The following AUTS2 variants were observed in gnomAD, a reference collection of about 807,000 sequenced individuals.
The protein encoded by AUTS2 is autism susceptibility gene 2 protein.
In AUTS2, 17 loss-of-function variants were observed where a neutral mutation model predicts 112.4. The observed-to-expected ratio is 0.15, with a 90% CI of 0.10 to 0.23. The LOEUF (loss-of-function observed/expected upper bound fraction) is 0.23. AUTS2 is among the 10% of genes least tolerant of loss of function. The probability of loss-of-function intolerance (pLI) is 1.00; values close to 1 mark genes in which losing one functional copy is unlikely to be tolerated. For synonymous variants in AUTS2, 751 were observed against 702.7 expected, an observed-to-expected ratio of 1.07 and a Z score of -1.09; for missense variants, 1,510 against 1,701.6, an observed-to-expected ratio of 0.89 and a Z score of 1.98.
intron 4 of AUTS2, among the ~76,000 whole-genome samples, chr7:70,316,316 G>C (rs1789992544): frequency 1.3e-5 from 2 of 151,736 alleles, no homozygotes; most frequent in Non-Finnish European, 2.9e-5. Context: ...GCTGTCTTCT[G>C]CTCCCACCCA....
chr7:70,608,870 C>G (rs1004261116), intron 5 of AUTS2, among the ~76,000 whole-genome samples: 3 of 152,192 alleles, frequency 2.0e-5, no homozygotes, highest in Non-Finnish European at 4.4e-5. Context: ...CATGTCTTAG[C>G]CACCATTGCA....
intron 5 of AUTS2, among the ~76,000 whole-genome samples, chr7:70,627,227 G>A (rs190200503): frequency 3.3e-5 from 5 of 152,114 alleles, no homozygotes; most frequent in African/African-American, 4.8e-5. Context: ...AGATGATAGC[G>A]TATTGTGATT....
chr7:69,978,329 A>C (rs188007580), intron 2 of AUTS2, among the ~76,000 whole-genome samples: 5 of 152,202 alleles, frequency 3.3e-5, no homozygotes, highest in Non-Finnish European at 5.9e-5. Context: ...TTTCCAGGCA[A>C]TTTTGACAAT....
chr7:70,630,193 A>G (rs1394639220), intron 5 of AUTS2, among the ~76,000 whole-genome samples: 2 of 152,182 alleles, frequency 1.3e-5, no homozygotes, highest in Admixed American at 6.5e-5. Flanking sequence ...GGGTTCACCT[A>G]GGCAGCGTTA....
intron 4 of AUTS2, among the ~76,000 whole-genome samples, chr7:70,218,892 C>T (rs554026179): frequency 6.6e-6 from 1 of 152,166 alleles, no homozygotes; most frequent in South Asian, 2.1e-4. Flanking sequence ...TCATCACTAT[C>T]ATATGAAATC....
intron 1 of AUTS2, among the ~76,000 whole-genome samples, chr7:69,792,231 T>TG (rs1491332521): frequency 2.3e-5 from 3 of 130,862 alleles, no homozygotes; most frequent in Non-Finnish European, 3.4e-5. Context: ...GTTAAGTTGT[T>TG]GTTTTTTTTT....
At chr7:70,193,319 G>A (rs944988312) in intron 4 of AUTS2, among the ~76,000 whole-genome samples, 1 of 152,166 alleles carries the variant, frequency 6.6e-6, no homozygotes, top group South Asian at 2.1e-4. Context: ...ACACTAATGG[G>A]AAATTATTAT....
intron 1 of AUTS2, among the ~76,000 whole-genome samples, chr7:69,653,088 G>A (rs1795364644): frequency 6.6e-6 from 1 of 152,200 alleles, no homozygotes; most frequent in Non-Finnish European, 1.5e-5. Flanking sequence ...TTCCTGCATT[G>A]AAGGGACTGA....
intron 4 of AUTS2, among the ~76,000 whole-genome samples, chr7:70,355,462 C>T (rs975295734): frequency 6.6e-6 from 1 of 152,116 alleles, no homozygotes; most frequent in African/African-American, 2.4e-5. Flanking sequence ...CCTCAAATGT[C>T]TTCCAGAGAG....
chr7:70,661,943 C>T (rs1807099100), intron 5 of AUTS2, among the ~76,000 whole-genome samples: 1 of 152,210 alleles, frequency 6.6e-6, no homozygotes, highest in Non-Finnish European at 1.5e-5. Context: ...AGTCCCATCT[C>T]TGCCCAGTAA....
intron 1 of AUTS2, among the ~76,000 whole-genome samples, chr7:69,789,216 A>G (rs1789510067): frequency 6.6e-6 from 1 of 152,202 alleles, no homozygotes; most frequent in African/African-American, 2.4e-5. Context: ...ATTTCCATTC[A>G]GCAATGGCTC....
At chr7:70,538,098 G>T (rs1800394955) in intron 5 of AUTS2, among the ~76,000 whole-genome samples, 1 of 152,114 alleles carries the variant, frequency 6.6e-6, no homozygotes, top group African/African-American at 2.4e-5. Flanking sequence ...CTAGCCAGGT[G>T]TGATGGCGTG....
At chr7:70,494,038 A>AAAAT (rs746216261) in intron 5 of AUTS2, among the ~76,000 whole-genome samples, 1 of 152,226 alleles carries the variant, frequency 6.6e-6, no homozygotes, top group Non-Finnish European at 1.5e-5. Flanking sequence ...ATTAAAATTT[A>AAAAT]AAATAAATAA....
In AUTS2 at chr7:69,874,044, G is replaced by T. The variant is rs138675579; in HGVS notation, c.310-25242G>T. Among the ~76,000 whole-genome samples, 1,437 of 152,230 alleles carry T rather than the reference G, an allele frequency of 9.4e-3. 11 individuals are homozygous for T. The highest frequency in any genetic ancestry group is 0.013 in the Non-Finnish European group (876 of 68,016). ...AAGTAGAAGATAGCCAAGCTGAGAG[G>T]CCTGGGTGGGCTAGGGAAGAAGGTT... is the stretch of plus-strand genomic sequence containing the variant. On this transcript the variant is annotated intron_variant, in intron 1 of 18. Coordinates refer to ENST00000342771, the MANE Select transcript of AUTS2 (RefSeq NM_015570.4).
intron 4 of AUTS2, among the ~76,000 whole-genome samples, chr7:70,209,292 A>G (rs1445048828): frequency 6.6e-6 from 1 of 152,180 alleles, no homozygotes; most frequent in African/African-American, 2.4e-5. Context: ...GTGTAGGCAT[A>G]GGGAAAGGTT....
intron 1 of AUTS2, among the ~76,000 whole-genome samples, chr7:69,728,241 C>T (rs1267506143): frequency 6.6e-6 from 1 of 152,242 alleles, no homozygotes; most frequent in Non-Finnish European, 1.5e-5. Context: ...AGCCCCATTG[C>T]TGAGGCGCTG....
chr7:70,333,201 G>GA (rs1392735719), intron 4 of AUTS2, among the ~76,000 whole-genome samples: 3 of 152,024 alleles, frequency 2.0e-5, no homozygotes, highest in Non-Finnish European at 4.4e-5. Flanking sequence ...CAAGAAACAT[G>GA]AAAAAAACTC....
chr7:70,266,302 A>G (rs909777161), intron 4 of AUTS2, among the ~76,000 whole-genome samples: 1 of 152,192 alleles, frequency 6.6e-6, no homozygotes, highest in Non-Finnish European at 1.5e-5. Flanking sequence ...AACGGCACAT[A>G]CTGATTGTAT....
intron 4 of AUTS2, among the ~76,000 whole-genome samples, chr7:70,191,983 GA>G (rs879915648): frequency 1.3e-4 from 18 of 141,234 alleles, no homozygotes; most frequent in Admixed American, 2.1e-4. Flanking sequence ...AGGGGAGAAA[GA>G]AAAAAAAAAA....
Sources: allele counts gnomAD v4.1 joint callset (sites outside exome capture counted in the v4.1 genomes callset), GRCh38; gene constraint gnomAD v4.1.1; transcripts MANE v1.5; gene names NCBI Gene and HGNC (gene_info 2026-07-23, HGNC 2026-07-21).